The following XRRA1 variants were observed in gnomAD, a reference collection of about 807,000 sequenced individuals.
XRRA1 encodes X-ray radiation resistance associated 1, also known as X-ray radiation resistance-associated protein 1.
Under a neutral mutation model 80.2 loss-of-function variants are expected in XRRA1, and 69 were observed. The observed-to-expected ratio is 0.86, with a 90% CI of 0.71 to 1.05. XRRA1 has a LOEUF of 1.05. XRRA1 is among the 50% of genes least tolerant of loss of function. The pLI, the probability that XRRA1 is intolerant of heterozygous loss-of-function variation, is 0.00. For synonymous variants in XRRA1, 348 were observed against 389.9 expected, an observed-to-expected ratio of 0.89 and a Z score of 1.27; for missense variants, 967 against 976.4, an observed-to-expected ratio of 0.99 and a Z score of 0.13.
intron 7 of XRRA1, among the ~76,000 whole-genome samples, chr11:74,921,830 G>A (rs1030405886): frequency 6.6e-6 from 1 of 152,160 alleles, no homozygotes; most frequent in South Asian, 2.1e-4. Flanking sequence ...GCCTAGCACA[G>A]TGCTTGGCAC....
intron 8 of XRRA1, among the ~76,000 whole-genome samples, chr11:74,920,560 T>C (rs1940415795): frequency 1.3e-5 from 2 of 152,236 alleles, no homozygotes; most frequent in South Asian, 2.1e-4. Context: ...CCTTAGAAAA[T>C]GTACAGAATC....
At chr11:74,943,921 A>C (rs1221571687) in intron 2 of XRRA1, among the ~76,000 whole-genome samples, 1 of 151,980 alleles carries the variant, frequency 6.6e-6, no homozygotes, top group Non-Finnish European at 1.5e-5. Flanking sequence ...TCCTGGGCTC[A>C]AACAATCCTC....
At chr11:74,867,524 A>T (rs184629466) in intron 10 of XRRA1, among the ~76,000 whole-genome samples, 1 of 152,256 alleles carries the variant, frequency 6.6e-6, no homozygotes, top group African/African-American at 2.4e-5. Context: ...AGACCAAAAT[A>T]AAAAAATAGT....
intron 2 of XRRA1, among the ~76,000 whole-genome samples, chr11:74,944,783 T>C (rs1947165478): frequency 6.6e-6 from 1 of 152,206 alleles, no homozygotes; most frequent in South Asian, 2.1e-4. Flanking sequence ...GATAGATGGA[T>C]GGATGGGGAC....
chr11:74,902,813 G>A (rs1298289464), intron 10 of XRRA1, among the ~76,000 whole-genome samples: 2 of 151,824 alleles, frequency 1.3e-5, no homozygotes, highest in South Asian at 2.1e-4. Context: ...ATGGTTAATT[G>A]ATACAAAAAA....
intron 3 of XRRA1, among the ~76,000 whole-genome samples, chr11:74,939,117 T>C (rs1591620289): frequency 6.6e-6 from 1 of 152,162 alleles, no homozygotes. Context: ...TTTGGGAGGC[T>C]GAGGCGGGTG....
chr11:74,905,737 C>T (rs2054447060), intron 10 of XRRA1, among the ~76,000 whole-genome samples: 1 of 152,150 alleles, frequency 6.6e-6, no homozygotes, highest in Non-Finnish European at 1.5e-5. Context: ...CACCAGCTGG[C>T]CAGTATCCTC....
At chr11:74,901,756 T>G (rs1266208643) in intron 10 of XRRA1, among the ~76,000 whole-genome samples, 2 of 152,100 alleles carry the variant, frequency 1.3e-5, no homozygotes, top group African/African-American at 4.8e-5. Flanking sequence ...GAATTAAACT[T>G]GACTCCATCT....
In XRRA1 at chr11:74,921,794, C is replaced by T. The variant is rs746601002; in HGVS notation, c.523-447G>A. ...CTGCTTTCAGGGTACTTATCAAAGT[C>T]GGCTAGGTATCTGGCATATGTATAT... On this transcript the variant is annotated intron_variant, in intron 7 of 18. Transcript: ENST00000684022. Among the ~76,000 whole-genome samples the T allele has an allele frequency of 1.3e-4, 20 of 152,226 alleles. 1 individual carries two copies. The highest frequency in any genetic ancestry group is 2.6e-4 in the Admixed American group (4 of 15,288).
chr11:74,856,305 A>G (rs548796614), intron 12 of XRRA1, among the ~76,000 whole-genome samples: 6 of 152,396 alleles, frequency 3.9e-5, no homozygotes, highest in African/African-American at 1.2e-4. Flanking sequence ...ACAAAAAGAT[A>G]TAATATGTTA....
chr11:74,880,329 T>A (rs1327660032), intron 10 of XRRA1, among the ~76,000 whole-genome samples: 2 of 152,250 alleles, frequency 1.3e-5, no homozygotes, highest in Non-Finnish European at 2.9e-5. Flanking sequence ...TATCATTTTT[T>A]ATTGCATCTA....
At chr11:74,935,936 A>G (rs951879336) in intron 4 of XRRA1, among the ~76,000 whole-genome samples, 2 of 152,190 alleles carry the variant, frequency 1.3e-5, no homozygotes, top group East Asian at 3.8e-4. Flanking sequence ...CAGTATAATT[A>G]TTTCAGTCCT....
At chr11:74,844,011 C>T (rs3814726) in intron 17 of XRRA1, 52 bp from the exon 18 acceptor site, 525,684 of 1,546,822 alleles carry the variant, frequency 0.34, 97,644 homozygotes, top group African/African-American at 0.63. Flanking sequence ...GCACAGACTT[C>T]CCTGGCCTAA....
chr11:74,843,218 G>C lies in XRRA1; in HGVS notation c.2385C>G (p.Ala795=). The C allele has an allele frequency of 1.9e-6, 3 of 1,558,192 alleles. No individual in the cohort carries two copies. Among genetic ancestry groups the C allele is most frequent in the Non-Finnish European group, 2.6e-6 (3 of 1,150,984 alleles). Residue 795 remains alanine (A), a synonymous_variant, in exon 19 of 19, where the codon GCC becomes GCG. Transcript: ENST00000684022. Reference sequence around the variant, plus strand: ...CACAGCTCTAGCCTTGTGAGTCACTGGCTGTGGGCTCCTGGCAGAACTCAT... The same window carrying C: ...CACAGCTCTAGCCTTGTGAGTCACTCGCTGTGGGCTCCTGGCAGAACTCAT... ...FMDEFCQEPT[A]SDSQG
At chr11:74,857,380 C>CAAA (rs61112350) in intron 12 of XRRA1, among the ~76,000 whole-genome samples, 1 of 143,944 alleles carries the variant, frequency 6.9e-6, no homozygotes, top group Non-Finnish European at 1.5e-5. Flanking sequence ...TGATTAGAGG[C>CAAA]AAAAAAAAAA....
chr11:74,914,533 T>C (rs977405879), intron 8 of XRRA1, among the ~76,000 whole-genome samples: 1 of 152,184 alleles, frequency 6.6e-6, no homozygotes, highest in Non-Finnish European at 1.5e-5. Context: ...ATTTCAATGA[T>C]AGCCTGAGTT....
At chr11:74,917,916 C>T (rs1231015893) in intron 8 of XRRA1, among the ~76,000 whole-genome samples, 1 of 151,778 alleles carries the variant, frequency 6.6e-6, no homozygotes, top group African/African-American at 2.4e-5. Context: ...GTTCATTCTA[C>T]TGGCTAGGTG....
intron 10 of XRRA1, among the ~76,000 whole-genome samples, chr11:74,901,968 A>T (rs1362832196): frequency 6.6e-6 from 1 of 152,206 alleles, no homozygotes; most frequent in Non-Finnish European, 1.5e-5. Flanking sequence ...GAAATAATCA[A>T]CAAAGAGACA....
rs1449780761 is a variant in XRRA1 at position 74,852,054 on chromosome 11, A to T, written c.1199T>A (p.Val400Glu). ...KIAKEDAVLP[V>E]ALFPSLCEFV... is the part of the protein sequence containing the mutation. ...CTCGCAGAGAGATGGGAAGAGAGCT[A>T]CTGGTAGGACAGCATCCTCTTTTGC... The change falls in exon 13 of 19, where the codon GTA becomes GAA. Residue 400 changes from valine to glutamate, a missense_variant. Val to Glu is a moderately radical substitution (Grantham distance 121). Transcript: ENST00000684022. The T allele has an allele frequency of 6.2e-7, 1 of 1,613,948 alleles. No homozygotes were observed. Among genetic ancestry groups the T allele is most frequent in the Admixed American group, 1.7e-5 (1 of 60,016 alleles).
Sources: gnomAD v4.1 joint callset for allele counts (sites outside exome capture counted in the v4.1 genomes callset) on GRCh38, gnomAD v4.1.1 for gene constraint, MANE v1.5 for transcripts, NCBI Gene and HGNC (gene_info 2026-07-23, HGNC 2026-07-21) for gene names.